The following PTER variants were observed in gnomAD, a reference collection of about 807,000 sequenced individuals.
PTER encodes the protein phosphotriesterase related.
Under a neutral mutation model 29.6 loss-of-function variants are expected in PTER, and 38 were observed. The observed-to-expected ratio is 1.28, with a 90% CI of 0.99 to 1.68. The LOEUF (loss-of-function observed/expected upper bound fraction) is 1.68. PTER is among the 40% of genes most tolerant of loss of function. The pLI, the probability that PTER is intolerant of heterozygous loss-of-function variation, is 0.00. For missense variants in PTER, 482 were observed against 427.8 expected, an observed-to-expected ratio of 1.13 and a Z score of -1.12; for synonymous variants, 172 against 154.5, an observed-to-expected ratio of 1.11 and a Z score of -0.84.
At chr10:16,492,463 TA>T (rs997802673) in intron 3 of PTER, among the ~76,000 whole-genome samples, 3 of 152,068 alleles carry the variant, frequency 2.0e-5, no homozygotes, top group East Asian at 3.8e-4. Context: ...TAGATGCGAT[TA>T]AAAAAAACAA....
At chr10:16,449,835 C>G (rs1031814788) in intron 1 of PTER, among the ~76,000 whole-genome samples, 24 of 152,164 alleles carry the variant, frequency 1.6e-4, no homozygotes, top group Non-Finnish European at 1.2e-4. Context: ...CTTAATCTCC[C>G]TAAGCCCTTG....
intron 1 of PTER, among the ~76,000 whole-genome samples, chr10:16,466,490 G>A (rs1304725124): frequency 6.6e-6 from 1 of 152,162 alleles, no homozygotes; most frequent in Non-Finnish European, 1.5e-5. Flanking sequence ...CAAGTAACTG[G>A]GATTACAGGC....
At chr10:16,514,260 T>C (rs1270044294), downstream of PTER, 1 of 436,328 alleles carries the variant, frequency 2.3e-6, no homozygotes, top group Non-Finnish European at 4.0e-6. Flanking sequence ...AAATTTGTGA[T>C]CTATATAGGA....
the PTER span, among the ~76,000 whole-genome samples, chr10:16,518,860 G>A: frequency 6.6e-6 from 1 of 152,144 alleles, no homozygotes; most frequent in South Asian, 2.1e-4. Context: ...CTGTTCATAA[G>A]CCTTTTTGTG....
intron 4 of PTER, among the ~76,000 whole-genome samples, chr10:16,505,911 T>C (rs1357174088): frequency 6.6e-6 from 1 of 152,078 alleles, no homozygotes. Flanking sequence ...AGTTGAACCG[T>C]GGGAATGAAT....
intron 3 of PTER, among the ~76,000 whole-genome samples, chr10:16,488,691 C>T (rs1564402796): frequency 6.6e-6 from 1 of 151,706 alleles, no homozygotes; most frequent in African/African-American, 2.4e-5. Flanking sequence ...GCAGCCTCAC[C>T]CTCCCAAGTT....
intron 3 of PTER, among the ~76,000 whole-genome samples, chr10:16,500,859 GC>G (rs1305147173): frequency 6.6e-6 from 1 of 151,954 alleles, no homozygotes; most frequent in African/African-American, 2.4e-5. Context: ...TCCTCACTCA[GC>G]CTTTCAAGTA....
intron 4 of PTER, among the ~76,000 whole-genome samples, chr10:16,505,947 G>A (rs1170679429): frequency 6.6e-6 from 1 of 152,126 alleles, no homozygotes; most frequent in Admixed American, 6.6e-5. Context: ...AGAAGATGAG[G>A]ACAGAGACCT....
chr10:16,451,075 C>T (rs1002213984), intron 1 of PTER, among the ~76,000 whole-genome samples: 1 of 152,124 alleles, frequency 6.6e-6, no homozygotes, highest in East Asian at 1.9e-4. Flanking sequence ...GCCCAAGAGC[C>T]CCTGGTAAAC....
At position 16,484,547 on chromosome 10, in the gene PTER, A is replaced by G. The variant is rs1356904737; in HGVS notation, c.163A>G (p.Lys55Glu). 2 of 1,613,998 alleles carry G rather than the reference A, an allele frequency of 1.2e-6. No individual in the cohort carries two copies. Among genetic ancestry groups the G allele is most frequent in the Non-Finnish European group, 1.7e-6 (2 of 1,180,028 alleles). The part of the protein sequence containing the change: ...EAISKEPIVM[K>E]NLYWIQKNAY... ...TATTTCCAAAGAACCTATCGTGATGAAAAATTTATATTGGATTCAGAAAAA... is the reference window on the plus strand; with the variant it reads ...TATTTCCAAAGAACCTATCGTGATGGAAAATTTATATTGGATTCAGAAAAA... The change falls in exon 2 of 5, where the codon AAA becomes GAA. Residue 55 changes from lysine to glutamate, a missense_variant. Coordinates refer to ENST00000535784, the MANE Select transcript of PTER (RefSeq NM_001261836.2).
intron 2 of PTER, among the ~76,000 whole-genome samples, chr10:16,485,777 T>G (rs1466547486): frequency 6.6e-6 from 1 of 152,164 alleles, no homozygotes; most frequent in African/African-American, 2.4e-5. Flanking sequence ...GATAAAAGAC[T>G]GGAATAAATA....
intron 1 of PTER, among the ~76,000 whole-genome samples, chr10:16,483,265 A>G (rs892062410): frequency 1.3e-5 from 2 of 152,198 alleles, no homozygotes; most frequent in Non-Finnish European, 2.9e-5. Context: ...TTCAGTTTCA[A>G]TAAATCACAA....
At chr10:16,482,026 G>A (rs1292963151) in intron 1 of PTER, among the ~76,000 whole-genome samples, 1 of 152,154 alleles carries the variant, frequency 6.6e-6, no homozygotes, top group African/African-American at 2.4e-5. Flanking sequence ...GCTGTGTGGT[G>A]ATTCTCTGAA....
chr10:16,440,110 G>T lies in PTER; in HGVS notation c.-49+3063G>T, dbSNP rs374489542. ...TGGCAGGGTCTCACTCTATTGCCCA[G>T]ACTGGAGTGCAGTGGCCCTATCTTG... On this transcript the variant is annotated intron_variant, in intron 1 of 4. Coordinates refer to ENST00000535784, the MANE Select transcript of PTER (RefSeq NM_001261836.2). 1.8e-3 allele frequency among the ~76,000 whole-genome samples: 247 copies of T among 135,988 alleles called. 1 individual carries two copies. The highest frequency in any genetic ancestry group is 6.8e-3 in the African/African-American group (237 of 34,990). 89.2% of individuals were successfully genotyped at this position (135,988 alleles called of 152,430 possible).
At chr10:16,467,443 A>C (rs1834877296) in intron 1 of PTER, among the ~76,000 whole-genome samples, 1 of 152,182 alleles carries the variant, frequency 6.6e-6, no homozygotes, top group Non-Finnish European at 1.5e-5. Context: ...AGTAAGGGAA[A>C]GTTAAAAAAA....
intron 1 of PTER, among the ~76,000 whole-genome samples, chr10:16,442,754 C>T (rs747792541): frequency 2.0e-5 from 3 of 152,108 alleles, no homozygotes; most frequent in African/African-American, 4.8e-5. Context: ...CCAAGGCAGG[C>T]GGACCACTTG....
Position 16,457,025 on chromosome 10 carries a change from A to G in PTER, c.-49+19978A>G, listed in dbSNP as rs540804802. ...CCACGTGCAACTGTGAGTCCATTAA[A>G]CCTTTTTTTAAATAAATTACCCAGT... On this transcript the variant is annotated intron_variant, in intron 1 of 4. Coordinates refer to ENST00000535784, the MANE Select transcript of PTER (RefSeq NM_001261836.2). Among the ~76,000 whole-genome samples, 10 of 150,594 alleles carry G rather than the reference A, an allele frequency of 6.6e-5. No homozygotes were observed. The South Asian group carries it at 1.9e-3, about 29-fold the overall frequency.
chr10:16,470,644 C>T (rs565081422), intron 1 of PTER, among the ~76,000 whole-genome samples: 97 of 151,968 alleles, frequency 6.4e-4, no homozygotes, highest in Non-Finnish European at 1.1e-3. Context: ...GGCGGGTGCC[C>T]GTAATCCCAG....
Position 16,502,528 on chromosome 10 carries a change from C to T in PTER, c.699-2492C>T, listed in dbSNP as rs1017782605. On this transcript the variant is annotated intron_variant, in intron 3 of 4. Coordinates refer to ENST00000535784, the MANE Select transcript of PTER (RefSeq NM_001261836.2). ...TTAGCCTCCCTGCCTAAAACAACAT[C>T]GTGAACTCTAAGTTATGCTAATTTG... Among the ~76,000 whole-genome samples the T allele has an allele frequency of 2.6e-5, 4 of 151,970 alleles. No individual in the cohort carries two copies. In the South Asian group the frequency reaches 6.2e-4, roughly 24 times the overall value.
Sources: allele counts gnomAD v4.1 joint callset (sites outside exome capture counted in the v4.1 genomes callset), GRCh38; gene constraint gnomAD v4.1.1; transcripts MANE v1.5; gene names NCBI Gene and HGNC (gene_info 2026-07-23, HGNC 2026-07-21).